ADAMTS18: variants seen among roughly 807,000 people sequenced by gnomAD.
The protein encoded by ADAMTS18 is ADAM metallopeptidase with thrombospondin type 1 motif 18.
ADAMTS18 carries 157 observed loss-of-function variants against 165.9 expected under a neutral mutation model. The ratio of observed to expected loss-of-function variants is 0.95; its 90% CI spans 0.83 to 1.08. ADAMTS18 has a LOEUF of 1.08. ADAMTS18 is among the 50% of genes least tolerant of loss of function. The probability of loss-of-function intolerance (pLI) is 0.00; values close to 1 mark genes in which losing one functional copy is unlikely to be tolerated. For synonymous variants in ADAMTS18, 782 were observed against 578.2 expected (o/e 1.35, Z -5.06); for missense variants, 2,040 against 1,534.0 (o/e 1.33, Z -5.51).
At position 77,291,477 on chromosome 16, in the gene ADAMTS18, C is replaced by T. The variant is rs377379824; in HGVS notation, c.3191G>A (p.Cys1064Tyr). Residue 1064 changes from cysteine to tyrosine, a missense_variant and splice_region_variant, in exon 21 of 23, where the codon TGT becomes TAT. Cys to Tyr is a radical substitution (Grantham distance 194). Coordinates refer to ENST00000282849, the MANE Select transcript of ADAMTS18 (RefSeq NM_199355.4). ...LQWVASSWSECSATCGLGVRK... is the reference protein window; with the variant it reads ...LQWVASSWSEYSATCGLGVRK... ...CACACCCAAACCACAGGTTGCAGAA[C>T]ACTAGGAGCCAAGACAGGATGTGTA... The T allele has an allele frequency of 6.2e-7, 1 of 1,614,006 alleles. No homozygotes were observed. The highest frequency in any genetic ancestry group is 1.3e-5 in the African/African-American group (1 of 74,936).
intron 7 of ADAMTS18, among the ~76,000 whole-genome samples, chr16:77,361,079 A>G (rs900980787): frequency 7.4e-6 from 1 of 135,608 alleles, no homozygotes; most frequent in African/African-American, 2.7e-5. Context: ...AGAACAAGAC[A>G]CCATCTCAAA....
chr16:77,420,906 T>A (rs1405740795), intron 3 of ADAMTS18, among the ~76,000 whole-genome samples: 2 of 152,162 alleles, frequency 1.3e-5, no homozygotes, highest in African/African-American at 4.8e-5. Flanking sequence ...GATGAGGAAT[T>A]GTAAAATCAC....
intron 3 of ADAMTS18, among the ~76,000 whole-genome samples, chr16:77,368,443 T>C (rs937352675): frequency 7.3e-5 from 11 of 151,446 alleles, no homozygotes; most frequent in African/African-American, 2.2e-4. Flanking sequence ...TTTTCTTTTT[T>C]TTTTTTTTTT....
intron 10 of ADAMTS18, among the ~76,000 whole-genome samples, chr16:77,344,097 G>A (rs1021216355): frequency 1.4e-5 from 2 of 147,970 alleles, no homozygotes; most frequent in Admixed American, 6.8e-5. Context: ...AAAACATAGG[G>A]AAACCAGATG....
In ADAMTS18 at chr16:77,342,914, T is replaced by C. The variant is rs180810207; in HGVS notation, c.1615-1115A>G. Among the ~76,000 whole-genome samples, 284 of 152,102 alleles carry C rather than the reference T, an allele frequency of 1.9e-3. 2 individuals carry two copies. Among genetic ancestry groups the C allele is most frequent in the Admixed American group, 3.9e-3 (59 of 15,288 alleles). On this transcript the variant is annotated intron_variant, in intron 10 of 22. Coordinates refer to ENST00000282849, the MANE Select transcript of ADAMTS18 (RefSeq NM_199355.4). The stretch of plus-strand genomic sequence containing the variant: ...AGAAGAGAACCAGAGAGATGACAGC[T>C]TGAGAAAGACCTAGGAGAATGTTGC...
rs548876347 is a variant in ADAMTS18, at chr16:77,313,087, A to G, written c.2532+6762T>C. 2.0e-5 allele frequency among the ~76,000 whole-genome samples: 3 copies of G among 147,182 alleles called. No homozygotes were observed. The East Asian group carries it at 6.0e-4, about 30-fold the overall frequency. Reference sequence around the variant, plus strand: ...GGACTGGATTAAGAAAATGTGGCACATATGCACCATGGAATACTATGCAGC... The same window carrying G: ...GGACTGGATTAAGAAAATGTGGCACGTATGCACCATGGAATACTATGCAGC... On this transcript the variant is annotated intron_variant, in intron 16 of 22. Transcript: ENST00000282849.
rs545191469 is a variant in ADAMTS18 at position 77,366,488 on chromosome 16, G to C, written c.778+953C>G. Among the ~76,000 whole-genome samples the C allele has an allele frequency of 2.6e-5, 4 of 152,146 alleles. No individual in the cohort carries two copies. The South Asian group carries it at 8.3e-4, about 32-fold the overall frequency. ...CAGGAGAATTGCTTGAACCTGGTGGGGTGGAGGTTGCAGTGAGCAGAGATC... is the reference window on the plus strand; with the variant it reads ...CAGGAGAATTGCTTGAACCTGGTGGCGTGGAGGTTGCAGTGAGCAGAGATC... On this transcript the variant is annotated intron_variant, in intron 4 of 22. Coordinates refer to ENST00000282849, the MANE Select transcript of ADAMTS18 (RefSeq NM_199355.4).
intron 3 of ADAMTS18, among the ~76,000 whole-genome samples, chr16:77,415,244 C>T (rs1429483109): frequency 6.6e-6 from 1 of 152,216 alleles, no homozygotes; most frequent in African/African-American, 2.4e-5. Context: ...TGCCTGCTTC[C>T]TCTATGAGAC....
intron 22 of ADAMTS18, among the ~76,000 whole-genome samples, chr16:77,284,682 C>G (rs1389605694): frequency 6.6e-6 from 1 of 152,108 alleles, no homozygotes; most frequent in Non-Finnish European, 1.5e-5. Context: ...AATGTCTGAT[C>G]CTCCCTATGT....
chr16:77,420,496 A>C (rs1229491995), intron 3 of ADAMTS18, among the ~76,000 whole-genome samples: 1 of 152,146 alleles, frequency 6.6e-6, no homozygotes, highest in Non-Finnish European at 1.5e-5. Flanking sequence ...GTGTTTTTTA[A>C]AGCTCCGTGC....
chr16:77,346,111 T>G lies in ADAMTS18; in HGVS notation c.1615-4312A>C, dbSNP rs535410197. 5.9e-5 allele frequency among the ~76,000 whole-genome samples: 9 copies of G among 152,278 alleles called. No homozygotes were observed. In the East Asian group the frequency reaches 1.7e-3, roughly 29 times the overall value. On this transcript the variant is annotated intron_variant, in intron 10 of 22. Transcript: ENST00000282849. ...TATCTGCATCTCTCTCTTACCTCCT[T>G]CAAGTCTTTGCCTAAATTTCACCTC... is the stretch of plus-strand genomic sequence containing the variant.
intron 19 of ADAMTS18, 86 bp downstream of exon 19, chr16:77,294,837 C>T (rs2055434737): frequency 2.3e-6 from 3 of 1,296,878 alleles, no homozygotes; most frequent in Non-Finnish European, 2.2e-6. Context: ...ATGTAAACTG[C>T]CAAGAGCCCA....
intron 3 of ADAMTS18, among the ~76,000 whole-genome samples, chr16:77,426,326 C>T (rs2057672239): frequency 6.6e-6 from 1 of 151,836 alleles, no homozygotes; most frequent in Non-Finnish European, 1.5e-5. Context: ...CACCACCAAA[C>T]TGTGAAGAGA....
chr16:77,300,240 G>C, intron 17 of ADAMTS18, 23 bp downstream of exon 17: 3 of 1,613,806 alleles, frequency 1.9e-6, no homozygotes, highest in Non-Finnish European at 2.5e-6. Context: ...AGACTTTGGA[G>C]ACAGAATGAG....
In ADAMTS18 at chr16:77,319,928, G is replaced by C; in HGVS notation, c.2453C>G (p.Thr818Arg). The change falls in exon 16 of 23, where the codon ACG becomes AGG. Residue 818 changes from threonine to arginine, a missense_variant. By Grantham distance (71) the Thr-to-Arg change is moderately conservative (BLOSUM62 -1). Coordinates refer to ENST00000282849, the MANE Select transcript of ADAMTS18 (RefSeq NM_199355.4). ...GTTGAAAGAGCGCTGGTATTCAAAC[G>C]TGGTCCCAGCGAAGGGGAACTCCCC... ...WPGEFPFAGT[T>R]FEYQRSFNRP... The C allele has an allele frequency of 6.2e-7, 1 of 1,614,166 alleles. No individual in the cohort carries two copies. Among genetic ancestry groups the C allele is most frequent in the African/African-American group, 1.3e-5 (1 of 75,038 alleles).
chr16:77,400,363 C>T (rs970403039), intron 3 of ADAMTS18, among the ~76,000 whole-genome samples: 1 of 151,676 alleles, frequency 6.6e-6, no homozygotes, highest in Non-Finnish European at 1.5e-5. Flanking sequence ...AGTTAAGACC[C>T]CTGGGACTAC....
chr16:77,348,079 A>G (rs1408782769), intron 10 of ADAMTS18, among the ~76,000 whole-genome samples: 2 of 152,144 alleles, frequency 1.3e-5, no homozygotes, highest in Non-Finnish European at 2.9e-5. Context: ...TCACATATAG[A>G]TATCACTACA....
chr16:77,334,753 C>CTATAGTATATATACTGTATAT, intron 12 of ADAMTS18, among the ~76,000 whole-genome samples: 1 of 104,280 alleles, frequency 9.6e-6, no homozygotes, highest in Non-Finnish European at 1.8e-5. Context: ...ATACTGTATA[C>CTATAGTATATATACTGTATAT]TATAGTATAC....
intron 16 of ADAMTS18, among the ~76,000 whole-genome samples, chr16:77,311,810 A>G (rs1414328530): frequency 1.3e-5 from 2 of 151,784 alleles, no homozygotes; most frequent in East Asian, 3.9e-4. Context: ...TTCCATTTAG[A>G]TTGCTTTCAG....
Sources: allele counts gnomAD v4.1 joint callset (sites outside exome capture counted in the v4.1 genomes callset), GRCh38; gene constraint gnomAD v4.1.1; transcripts MANE v1.5; gene names NCBI Gene and HGNC (gene_info 2026-07-23, HGNC 2026-07-21).